VEGFC: variants seen among roughly 807,000 people sequenced by gnomAD.
The protein encoded by VEGFC is vascular endothelial growth factor C, also known as FLT4 ligand DHM.
Under a neutral mutation model 46.1 loss-of-function variants are expected in VEGFC, and 12 were observed. That is an observed-to-expected ratio of 0.26 (90% confidence interval 0.17 to 0.42). VEGFC has a LOEUF of 0.42. VEGFC is among the 10% of genes least tolerant of loss of function. The pLI is 1.00. For synonymous variants in VEGFC, 232 were observed against 195.5 expected, an observed-to-expected ratio of 1.19 and a Z score of -1.56; for missense variants, 488 against 529.4, an observed-to-expected ratio of 0.92 and a Z score of 0.77.
chr4:176,724,896 G>T (rs950317229), intron 3 of VEGFC, among the ~76,000 whole-genome samples: 1 of 152,246 alleles, frequency 6.6e-6, no homozygotes, highest in African/African-American at 2.4e-5. Context: ...GAAGAATACT[G>T]ATTATCAGAG....
intron 1 of VEGFC, among the ~76,000 whole-genome samples, chr4:176,789,295 C>T (rs1236602018): frequency 6.6e-6 from 1 of 152,180 alleles, no homozygotes; most frequent in Non-Finnish European, 1.5e-5. Context: ...TAGAGATCTA[C>T]GGGTCTTAGA....
At chr4:176,780,039 T>C (rs1444662914) in intron 1 of VEGFC, among the ~76,000 whole-genome samples, 4 of 152,172 alleles carry the variant, frequency 2.6e-5, no homozygotes, top group Non-Finnish European at 5.9e-5. Context: ...TTGCAGTTCT[T>C]AGTAATGGCA....
In VEGFC at chr4:176,792,014, T is replaced by C. The variant is rs935844064; in HGVS notation, c.147+151A>G. ...TTCTATTTAAAAAGAAGAAGATTTT[T>C]CTCCAAAGCAGCGTGCACTGAGCTC... On this transcript the variant is annotated intron_variant, in intron 1 of 6. Coordinates refer to ENST00000618562, the MANE Select transcript of VEGFC (RefSeq NM_005429.5). This position sits in a 1 kb window ranked among gnomAD's most constrained non-coding sequence, Gnocchi z 6.3. 1.8e-5 allele frequency: 20 copies of C among 1,100,800 alleles called. No individual in the cohort carries two copies. The highest frequency in any genetic ancestry group is 2.3e-5 in the Non-Finnish European group (20 of 855,190). 68.2% of individuals were successfully genotyped at this position (1,100,800 alleles called of 1,614,324 possible). A position where few individuals can be genotyped will look rare whatever the true frequency, so the allele number is the denominator to read the frequency against.
At chr4:176,731,931 G>A (rs1466599189) in intron 1 of VEGFC, among the ~76,000 whole-genome samples, 1 of 151,718 alleles carries the variant, frequency 6.6e-6, no homozygotes, top group African/African-American at 2.4e-5. Context: ...CAATAGATCA[G>A]CTGGAGAAAA....
chr4:176,745,298 TA>T (rs1201204386), intron 1 of VEGFC, among the ~76,000 whole-genome samples: 2 of 152,078 alleles, frequency 1.3e-5, no homozygotes, highest in African/African-American at 4.8e-5. Context: ...TCTTTTTTGT[TA>T]AAAAAATTTT....
Position 176,729,759 on chromosome 4 carries a change from A to G in VEGFC, c.148-13T>C, listed in dbSNP as rs1734931305. 1 of 1,558,486 alleles carries G rather than the reference A, an allele frequency of 6.4e-7. No homozygotes were observed. The highest frequency in any genetic ancestry group is 1.4e-5 in the African/African-American group (1 of 72,902). ...TGCTTGCATAAGCCTGTCAAAGAAA[A>G]ATGCAAGATCAATGACTTACCAGCT... On this transcript the variant is annotated splice_polypyrimidine_tract_variant and intron_variant, in intron 1 of 6. Coordinates refer to ENST00000618562, the MANE Select transcript of VEGFC (RefSeq NM_005429.5).
intron 1 of VEGFC, among the ~76,000 whole-genome samples, chr4:176,763,627 T>C (rs1735568160): frequency 6.6e-6 from 1 of 152,214 alleles, no homozygotes; most frequent in Non-Finnish European, 1.5e-5. Flanking sequence ...ACGTAATCAA[T>C]ATTTAATAGA....
intron 4 of VEGFC, among the ~76,000 whole-genome samples, chr4:176,702,172 T>G (rs1159012447): frequency 6.6e-6 from 1 of 152,176 alleles, no homozygotes; most frequent in African/African-American, 2.4e-5. Flanking sequence ...AGACATGTTC[T>G]CATAAGAATA....
At chr4:176,781,283 C>T (rs959881728) in intron 1 of VEGFC, among the ~76,000 whole-genome samples, 22 of 152,176 alleles carry the variant, frequency 1.4e-4, no homozygotes, top group African/African-American at 4.8e-4. Flanking sequence ...ACAAAGGGAT[C>T]AGTTTGTTTT....
chr4:176,727,669 G>T, intron 3 of VEGFC, 109 bp downstream of exon 3: 1 of 1,170,538 alleles, frequency 8.5e-7, no homozygotes, highest in Non-Finnish European at 1.2e-6. Flanking sequence ...GAGACCCTGA[G>T]TTGAACCAAG....
intron 4 of VEGFC, among the ~76,000 whole-genome samples, chr4:176,702,893 G>T (rs1734458841): frequency 6.6e-6 from 1 of 152,044 alleles, no homozygotes; most frequent in Non-Finnish European, 1.5e-5. Context: ...AATACACCAG[G>T]TGTACAGATA....
At chr4:176,690,789 G>T (rs1214726900) in intron 4 of VEGFC, among the ~76,000 whole-genome samples, 1 of 152,142 alleles carries the variant, frequency 6.6e-6, no homozygotes, top group Non-Finnish European at 1.5e-5. Flanking sequence ...TCGCTTCTGT[G>T]TTGATTGATA....
intron 1 of VEGFC, among the ~76,000 whole-genome samples, chr4:176,740,380 ATATATAACTATATATTTATATATAGT>A (rs1316510049): frequency 5.0e-4 from 62 of 122,968 alleles, no homozygotes; most frequent in South Asian, 1.1e-3. Context: ...ATATATAGTT[ATATATAACTATATATTTATATATAGT>A]TATATATATT....
chr4:176,708,610 C>T (rs898762880), intron 4 of VEGFC, among the ~76,000 whole-genome samples: 5 of 151,968 alleles, frequency 3.3e-5, no homozygotes, highest in Non-Finnish European at 2.9e-5. Flanking sequence ...TAGTTTTATG[C>T]TTATACATAA....
rs952090483 is a variant in VEGFC, at chr4:176,711,400, A to G, written c.704+99T>C. The G allele has an allele frequency of 3.7e-6, 5 of 1,340,156 alleles. No individual in the cohort carries two copies. In the Admixed American group the frequency reaches 1.3e-4, roughly 36 times the overall value. 83.0% of individuals were successfully genotyped at this position (1,340,156 alleles called of 1,614,324 possible). On this transcript the variant is annotated intron_variant, in intron 4 of 6. Transcript: ENST00000618562. ...TTGTATTTGAAGCAGAGTATATTAC[A>G]GTAAATTTCACAGAGGTTATTTGTT...
At chr4:176,701,477 A>G (rs1218552176) in intron 4 of VEGFC, among the ~76,000 whole-genome samples, 1 of 152,192 alleles carries the variant, frequency 6.6e-6, no homozygotes, top group Non-Finnish European at 1.5e-5. Context: ...CTCACAATCT[A>G]TCAGCAAGCC....
At chr4:176,700,475 C>G (rs981778670) in intron 4 of VEGFC, among the ~76,000 whole-genome samples, 1 of 151,818 alleles carries the variant, frequency 6.6e-6, no homozygotes, top group African/African-American at 2.4e-5. Flanking sequence ...ATAAACTAAG[C>G]AGTAATCTGC....
intron 1 of VEGFC, among the ~76,000 whole-genome samples, chr4:176,734,518 C>G (rs977494112): frequency 6.6e-6 from 1 of 151,692 alleles, no homozygotes; most frequent in African/African-American, 2.4e-5. Flanking sequence ...AAGAAATATA[C>G]GCGAGAATTT....
intron 1 of VEGFC, among the ~76,000 whole-genome samples, chr4:176,760,334 C>T (rs180705914): frequency 5.9e-5 from 9 of 152,178 alleles, no homozygotes; most frequent in Admixed American, 5.9e-4. Flanking sequence ...GAATTTTATG[C>T]ATAGGTTTCA....
Sources: gnomAD v4.1 joint callset for allele counts (sites outside exome capture counted in the v4.1 genomes callset) on GRCh38, gnomAD v4.1.1 for gene constraint, Gnocchi (gnomAD v3.1) non-coding constraint, MANE v1.5 for transcripts, NCBI Gene and HGNC (gene_info 2026-07-23, HGNC 2026-07-21) for gene names.